PABPC4L: variants seen among roughly 807,000 people sequenced by gnomAD.
The protein encoded by PABPC4L is poly(A) binding protein cytoplasmic 4 like.
For synonymous variants in PABPC4L, 169 were observed against 164.1 expected, an observed-to-expected ratio of 1.03 and a Z score of -0.23; for missense variants, 452 against 451.4, an observed-to-expected ratio of 1.00 and a Z score of -0.01.
the PABPC4L span, among the ~76,000 whole-genome samples, chr4:134,079,603 A>AC: frequency 1.7e-5 from 2 of 114,580 alleles, no homozygotes; most frequent in Non-Finnish European, 3.6e-5. Flanking sequence ...AAAAAAAAAA[A>AC]AAAAAAAACT....
chr4:133,957,804 T>A, the PABPC4L span, among the ~76,000 whole-genome samples: 1 of 152,254 alleles, frequency 6.6e-6, no homozygotes, highest in Non-Finnish European at 1.5e-5. Flanking sequence ...AAGCTTGGGG[T>A]TTGCATCTTC....
chr4:134,098,069 C>T, the PABPC4L span, among the ~76,000 whole-genome samples: 7 of 151,824 alleles, frequency 4.6e-5, 1 homozygote, highest in African/African-American at 7.2e-5. Context: ...ATTCATTAAA[C>T]TCTGAGGCTG....
Position 134,201,160 on chromosome 4 carries a change from G to A in PABPC4L, c.-141C>T, listed in dbSNP as rs1351495110. 4.5e-6 allele frequency: 7 copies of A among 1,549,340 alleles called. No individual in the cohort carries two copies. The highest frequency in any genetic ancestry group is 5.2e-6 in the Non-Finnish European group (6 of 1,146,476). ...CACAAAGGCCAAGCAATGGAGTTCA[G>A]ACACGACTCCCCCAGCTCAGGCAAC... On this transcript the variant is annotated 5_prime_UTR_variant, in exon 2 of 2. Transcript: ENST00000421491.
chr4:133,988,859 G>A, the PABPC4L span, among the ~76,000 whole-genome samples: 7 of 152,078 alleles, frequency 4.6e-5, no homozygotes, highest in Non-Finnish European at 5.9e-5. Context: ...CTTGAACATC[G>A]CGCATTTCCA....
chr4:133,992,686 G>C, the PABPC4L span, among the ~76,000 whole-genome samples: 1 of 152,100 alleles, frequency 6.6e-6, no homozygotes, highest in African/African-American at 2.4e-5. Context: ...TAGCAGGTAC[G>C]GGTTGCAGAC....
chr4:134,088,239 T>C, the PABPC4L span, among the ~76,000 whole-genome samples: 1 of 151,994 alleles, frequency 6.6e-6, no homozygotes, highest in Non-Finnish European at 1.5e-5. Flanking sequence ...TTTAAAATCA[T>C]GTGGCCTCCA....
chr4:134,195,009 C>T (rs1729616750), downstream of PABPC4L, among the ~76,000 whole-genome samples: 1 of 151,660 alleles, frequency 6.6e-6, no homozygotes, highest in Non-Finnish European at 1.5e-5. Context: ...ACTTGGATTA[C>T]CATATAACTG....
chr4:134,173,159 CAAAAAA>C, the PABPC4L span, among the ~76,000 whole-genome samples: 38 of 77,988 alleles, frequency 4.9e-4, no homozygotes, highest in Admixed American at 4.6e-3. Context: ...GGAGATTCCT[CAAAAAA>C]AAAAAAAAAA....
the PABPC4L span, among the ~76,000 whole-genome samples, chr4:134,173,885 A>C: frequency 6.7e-3 from 1,022 of 152,192 alleles, 8 homozygotes; most frequent in African/African-American, 0.016. Flanking sequence ...TTTTTATAAA[A>C]TTTAACCTGA....
At chr4:134,160,862 C>CA in the PABPC4L span, among the ~76,000 whole-genome samples, 4 of 151,028 alleles carry the variant, frequency 2.6e-5, no homozygotes, top group Non-Finnish European at 5.9e-5. Context: ...AAAGTAAAAT[C>CA]AAAAAAATAT....
chr4:133,997,429 GC>G, the PABPC4L span, among the ~76,000 whole-genome samples: 1 of 151,734 alleles, frequency 6.6e-6, no homozygotes, highest in Non-Finnish European at 1.5e-5. Flanking sequence ...ATATTTTCAT[GC>G]CTGCTAGCAT....
the PABPC4L span, among the ~76,000 whole-genome samples, chr4:134,066,244 A>G: frequency 2.6e-5 from 4 of 152,038 alleles, no homozygotes; most frequent in African/African-American, 9.7e-5. Context: ...TGTAATTCTC[A>G]TTGTAGACAT....
the PABPC4L span, among the ~76,000 whole-genome samples, chr4:134,062,403 C>A: frequency 1.3e-5 from 2 of 151,982 alleles, no homozygotes; most frequent in Non-Finnish European, 2.9e-5. Context: ...ATTAGTTTTA[C>A]TTTCCCATCT....
At chr4:134,125,282 A>C in the PABPC4L span, among the ~76,000 whole-genome samples, 2 of 151,854 alleles carry the variant, frequency 1.3e-5, no homozygotes, top group Non-Finnish European at 2.9e-5. Context: ...ACTTCTGTAC[A>C]TATTTCCGTC....
the PABPC4L span, among the ~76,000 whole-genome samples, chr4:134,188,534 C>A: frequency 6.6e-6 from 1 of 152,134 alleles, no homozygotes; most frequent in African/African-American, 2.4e-5. Context: ...AGGAAGTTTT[C>A]ATTTCTCCTT....
Position 134,200,665 on chromosome 4 carries a change from A to G in PABPC4L, c.355T>C (p.Ser119Pro). 2 of 1,551,672 alleles carry G rather than the reference A, an allele frequency of 1.3e-6. No individual in the cohort carries two copies. The highest frequency in any genetic ancestry group is 1.7e-6 in the Non-Finnish European group (2 of 1,146,976). ...IDNKTLYEHF[S>P]AFGKILSSKV... ...GAGGAAAGGATCTTTCCAAAAGCTGAAAAATGTTCATAAAGGGTTTTGTTA... is the reference window on the plus strand; with the variant it reads ...GAGGAAAGGATCTTTCCAAAAGCTGGAAAATGTTCATAAAGGGTTTTGTTA... Residue 119 changes from serine (S) to proline (P), a missense_variant, in exon 2 of 2, where the codon TCA (serine) becomes CCA (proline). By Grantham distance (74) the Ser-to-Pro change is moderately conservative. Transcript: ENST00000421491.
At chr4:134,169,595 G>A in the PABPC4L span, among the ~76,000 whole-genome samples, 1 of 151,892 alleles carries the variant, frequency 6.6e-6, no homozygotes, top group Non-Finnish European at 1.5e-5. Flanking sequence ...CAGTAAAATT[G>A]CAGGATACAA....
the PABPC4L span, among the ~76,000 whole-genome samples, chr4:134,178,715 G>C: frequency 6.6e-6 from 1 of 152,016 alleles, no homozygotes; most frequent in African/African-American, 2.4e-5. Flanking sequence ...AGTTCTGAAA[G>C]AGCTGAAAAA....
At chr4:133,954,417 C>T in the PABPC4L span, among the ~76,000 whole-genome samples, 23 of 152,112 alleles carry the variant, frequency 1.5e-4, no homozygotes, top group African/African-American at 4.3e-4. Flanking sequence ...TTGGCACATT[C>T]TATCCTCCTG....
Sources: allele counts gnomAD v4.1 joint callset (sites outside exome capture counted in the v4.1 genomes callset), GRCh38; gene constraint gnomAD v4.1.1; transcripts MANE v1.5; gene names NCBI Gene and HGNC (gene_info 2026-07-23, HGNC 2026-07-21).